The following PDE3A variants were observed in gnomAD, a reference collection of about 807,000 sequenced individuals.
PDE3A encodes the protein phosphodiesterase 3A.
A neutral mutation model predicts 98.3 loss-of-function variants in PDE3A; 43 were observed. The observed-to-expected ratio is 0.44, with a 90% confidence interval of 0.34 to 0.56. PDE3A has a LOEUF of 0.56. Among genes scored for constraint, PDE3A ranks in the 20% least tolerant of loss-of-function variants. PDE3A has a pLI of 0.01. For synonymous variants in PDE3A, 663 were observed against 567.9 expected (o/e 1.17, Z -2.38); for missense variants, 1,427 against 1,440.7 (o/e 0.99, Z 0.15).
chr12:20,383,281 T>C (rs1943693905), intron 1 of PDE3A, among the ~76,000 whole-genome samples: 1 of 151,852 alleles, frequency 6.6e-6, no homozygotes, highest in South Asian at 2.1e-4. Flanking sequence ...CAAAATTATT[T>C]TCAAAAATTT....
intron 1 of PDE3A, among the ~76,000 whole-genome samples, chr12:20,398,662 A>T (rs1478633791): frequency 6.6e-6 from 1 of 152,084 alleles, no homozygotes; most frequent in Non-Finnish European, 1.5e-5. Flanking sequence ...AATTAAATGA[A>T]TGGAAACAGA....
intron 1 of PDE3A, among the ~76,000 whole-genome samples, chr12:20,451,141 C>T (rs1945057204): frequency 6.6e-6 from 1 of 152,160 alleles, no homozygotes; most frequent in Non-Finnish European, 1.5e-5. Context: ...GCAAAAGGCT[C>T]TGGAAGACAG....
intron 1 of PDE3A, among the ~76,000 whole-genome samples, chr12:20,445,837 G>A (rs1019648552): frequency 1.3e-5 from 2 of 152,036 alleles, no homozygotes; most frequent in African/African-American, 4.8e-5. Flanking sequence ...TATGCTCTCT[G>A]CAGTCTGTGC....
intron 14 of PDE3A, among the ~76,000 whole-genome samples, chr12:20,653,467 A>G (rs1944967419): frequency 6.6e-6 from 1 of 151,706 alleles, no homozygotes; most frequent in Admixed American, 6.6e-5. Flanking sequence ...GGTTCAAGTG[A>G]TTCTCCTGCC....
chr12:20,469,434 T>A (rs978210447), intron 1 of PDE3A, among the ~76,000 whole-genome samples: 17 of 152,188 alleles, frequency 1.1e-4, no homozygotes, highest in Non-Finnish European at 1.8e-4. Flanking sequence ...CTCAGATGGT[T>A]GTCATGGTCC....
chr12:20,395,741 G>T (rs1170915028), intron 1 of PDE3A, among the ~76,000 whole-genome samples: 1 of 149,364 alleles, frequency 6.7e-6, no homozygotes, highest in Non-Finnish European at 1.5e-5. Flanking sequence ...TATATAACTA[G>T]AAAATAATAT....
At chr12:20,491,619 T>C (rs1401651710) in intron 1 of PDE3A, among the ~76,000 whole-genome samples, 1 of 152,016 alleles carries the variant, frequency 6.6e-6, no homozygotes, top group African/African-American at 2.4e-5. Flanking sequence ...ATAAACAGAG[T>C]TAAGGAAGGA....
intron 2 of PDE3A, among the ~76,000 whole-genome samples, chr12:20,598,334 C>CACCA (rs1218347085): frequency 6.6e-6 from 1 of 152,006 alleles, no homozygotes; most frequent in Non-Finnish European, 1.5e-5. Context: ...AGGCTCCCAC[C>CACCA]ACCACGCCCG....
intron 1 of PDE3A, among the ~76,000 whole-genome samples, chr12:20,484,318 A>G (rs1029903852): frequency 1.3e-5 from 2 of 152,154 alleles, no homozygotes; most frequent in African/African-American, 4.8e-5. Flanking sequence ...GTCTGTTTTA[A>G]TTTTTATATA....
At chr12:20,418,697 T>C (rs1371587956) in intron 1 of PDE3A, among the ~76,000 whole-genome samples, 3 of 152,198 alleles carry the variant, frequency 2.0e-5, no homozygotes, top group Non-Finnish European at 4.4e-5. Context: ...ATTAGCTTAC[T>C]TTCTGAAATA....
At chr12:20,466,310 A>AT (rs1346756151) in intron 1 of PDE3A, among the ~76,000 whole-genome samples, 2 of 152,198 alleles carry the variant, frequency 1.3e-5, no homozygotes, top group African/African-American at 4.8e-5. Flanking sequence ...TGAGCAAATA[A>AT]TTTTTTAAAA....
At chr12:20,441,013 G>T (rs1202873067) in intron 1 of PDE3A, among the ~76,000 whole-genome samples, 1 of 152,132 alleles carries the variant, frequency 6.6e-6, no homozygotes, top group Non-Finnish European at 1.5e-5. Context: ...GAAATTGTAT[G>T]CCAGGATTGG....
Position 20,440,736 on chromosome 12 carries a change from C to A in PDE3A, c.960+70492C>A, listed in dbSNP as rs538284235. Among the ~76,000 whole-genome samples, 17 of 152,280 alleles carry A rather than the reference C, an allele frequency of 1.1e-4. 1 individual carries two copies. In the South Asian group the frequency reaches 3.5e-3, roughly 32 times the overall value. ...AGGATCCTTATCTAGTTTGTGAAAT[C>A]TTTATCCCTGTGGGATGAAGAGTGT... On this transcript the variant is annotated intron_variant, in intron 1 of 15. Coordinates refer to ENST00000359062, the MANE Select transcript of PDE3A (RefSeq NM_000921.5).
chr12:20,567,601 C>A (rs996826095), intron 2 of PDE3A, among the ~76,000 whole-genome samples: 2 of 151,932 alleles, frequency 1.3e-5, no homozygotes, highest in Non-Finnish European at 2.9e-5. Context: ...ATTCTCTAGG[C>A]ATGTGACTAC....
At chr12:20,416,288 T>C (rs1326702888) in intron 1 of PDE3A, among the ~76,000 whole-genome samples, 1 of 152,212 alleles carries the variant, frequency 6.6e-6, no homozygotes, top group Admixed American at 6.5e-5. Context: ...TGATTGTGAA[T>C]TGTCTAAATT....
rs958050178 is a variant in PDE3A at position 20,580,656 on chromosome 12, C to A, written c.1011+23946C>A. ...TTCTGATTCTTTTCTGTTTCTCTTT[C>A]TATTGATCATGGGGCTAGGAAAATT... On this transcript the variant is annotated intron_variant, in intron 2 of 15. Transcript: ENST00000359062. Among the ~76,000 whole-genome samples, 8 of 152,230 alleles carry A rather than the reference C, an allele frequency of 5.3e-5. No individual in the cohort carries two copies. The East Asian group carries it at 9.7e-4, about 18-fold the overall frequency.
At chr12:20,664,071 C>T (rs747014418) in intron 15 of PDE3A, among the ~76,000 whole-genome samples, 2 of 152,078 alleles carry the variant, frequency 1.3e-5, no homozygotes, top group Non-Finnish European at 2.9e-5. Context: ...ACTTTTCCCC[C>T]TTTGCTTGGC....
chr12:20,571,325 T>G (rs1307719954), intron 2 of PDE3A, among the ~76,000 whole-genome samples: 1 of 152,156 alleles, frequency 6.6e-6, no homozygotes, highest in Non-Finnish European at 1.5e-5. Context: ...CATTGAGGAT[T>G]GATACAGGTC....
rs146631140 is a variant in PDE3A at position 20,684,904 on chromosome 12, AC to A, written c.*4635del. 0.018 allele frequency among the ~76,000 whole-genome samples: 2,785 copies of A among 152,326 alleles called. 72 individuals are homozygous for A. Among genetic ancestry groups the A allele is most frequent in the African/African-American group, 0.063 (2,604 of 41,572 alleles). ...TTGCATACGTATTTGTGTGTTTCAC[AC>A]CAAAGACCCATGCTCAGAGAATGGT... On this transcript the variant is annotated 3_prime_UTR_variant, in exon 16 of 16. Transcript: ENST00000359062.
Sources: gnomAD v4.1 joint callset for allele counts (sites outside exome capture counted in the v4.1 genomes callset) on GRCh38, gnomAD v4.1.1 for gene constraint, MANE v1.5 for transcripts, NCBI Gene and HGNC (gene_info 2026-07-23, HGNC 2026-07-21) for gene names.